MAML3: variants seen among roughly 807,000 people sequenced by gnomAD.
MAML3 encodes the protein mastermind-like protein 3.
In MAML3, 27 loss-of-function variants were observed where a neutral mutation model predicts 101.9. The ratio of observed to expected loss-of-function variants is 0.27; its 90% CI spans 0.20 to 0.37. The LOEUF (loss-of-function observed/expected upper bound fraction) is 0.37, where lower values mean the gene tolerates loss of function less well. MAML3 is among the 10% of genes least tolerant of loss of function. The pLI is 1.00. For synonymous variants in MAML3, 501 were observed against 555.9 expected (o/e 0.90, Z 1.39); for missense variants, 1,316 against 1,444.9 (o/e 0.91, Z 1.45).
intron 2 of MAML3, among the ~76,000 whole-genome samples, chr4:139,753,719 C>A (rs1276371893): frequency 6.6e-6 from 1 of 152,188 alleles, no homozygotes; most frequent in Non-Finnish European, 1.5e-5. Context: ...AGATGTTAAA[C>A]TATCAAAGCT....
intron 2 of MAML3, among the ~76,000 whole-genome samples, chr4:139,772,598 C>A (rs1730018698): frequency 1.3e-5 from 2 of 151,716 alleles, no homozygotes; most frequent in South Asian, 4.2e-4. Flanking sequence ...CTGCCTCGGC[C>A]TCCCCAAGTG....
intron 1 of MAML3, among the ~76,000 whole-genome samples, chr4:139,952,492 T>A (rs1733848139): frequency 6.6e-6 from 1 of 151,886 alleles, no homozygotes; most frequent in African/African-American, 2.4e-5. Context: ...GGTGTAAAAA[T>A]CCCTACCAAC....
At chr4:139,795,208 A>G (rs1434806796) in intron 2 of MAML3, among the ~76,000 whole-genome samples, 4 of 152,230 alleles carry the variant, frequency 2.6e-5, no homozygotes, top group Admixed American at 6.5e-5. Flanking sequence ...GTAATAAAAA[A>G]AGACTAATTC....
At chr4:139,980,711 G>A (rs1734429554) in intron 1 of MAML3, among the ~76,000 whole-genome samples, 1 of 152,180 alleles carries the variant, frequency 6.6e-6, no homozygotes. Flanking sequence ...GTGGCATTTG[G>A]TGTTAGGGAT....
At chr4:139,891,222 A>G (rs1732491135) in intron 1 of MAML3, among the ~76,000 whole-genome samples, 1 of 152,228 alleles carries the variant, frequency 6.6e-6, no homozygotes, top group South Asian at 2.1e-4. Context: ...ACAAAAGAAA[A>G]GAGATAGTTA....
chr4:139,719,203 C>T lies in MAML3; in HGVS notation c.*120G>A. Reference sequence around the variant, plus strand: ...TGGATCTTCCATTGTCAGCCAGCTGCAGTTTTGCTCAGTTTACGTGGGTCA... The same window carrying T: ...TGGATCTTCCATTGTCAGCCAGCTGTAGTTTTGCTCAGTTTACGTGGGTCA... On this transcript the variant is annotated 3_prime_UTR_variant, in exon 5 of 5. Coordinates refer to ENST00000509479, the MANE Select transcript of MAML3 (RefSeq NM_018717.5). 1 of 1,136,984 alleles carries T rather than the reference C, an allele frequency of 8.8e-7. No homozygotes were observed. Among genetic ancestry groups the T allele is most frequent in the Non-Finnish European group, 1.2e-6 (1 of 827,262 alleles). 70.4% of individuals were successfully genotyped at this position (1,136,984 alleles called of 1,614,324 possible). A position where few individuals can be genotyped will look rare whatever the true frequency, so the allele number is the denominator to read the frequency against.
chr4:139,822,676 T>C (rs1414871032), intron 2 of MAML3, among the ~76,000 whole-genome samples: 1 of 152,198 alleles, frequency 6.6e-6, no homozygotes, highest in Non-Finnish European at 1.5e-5. Flanking sequence ...CATCAAGATG[T>C]TAGCAGGATG....
At chr4:139,891,700 A>C (rs1447537113) in intron 1 of MAML3, among the ~76,000 whole-genome samples, 1 of 152,256 alleles carries the variant, frequency 6.6e-6, no homozygotes, top group Admixed American at 6.5e-5. Flanking sequence ...AAAATGCTAA[A>C]ATAAAAACTT....
intron 1 of MAML3, among the ~76,000 whole-genome samples, chr4:140,075,014 C>T (rs55837781): frequency 0.25 from 38,198 of 152,026 alleles, 6,029 homozygotes; most frequent in Non-Finnish European, 0.33. Context: ...AAATCTAAAA[C>T]ACTTCTGGTC....
chr4:139,952,857 C>T (rs1047243005), intron 1 of MAML3, among the ~76,000 whole-genome samples: 1 of 152,214 alleles, frequency 6.6e-6, no homozygotes, highest in African/African-American at 2.4e-5. Context: ...TCTCTTTTCT[C>T]ACCAACCAGC....
At chr4:139,882,246 A>G (rs1210517149) in intron 2 of MAML3, among the ~76,000 whole-genome samples, 2 of 152,278 alleles carry the variant, frequency 1.3e-5, no homozygotes, top group South Asian at 2.1e-4. Flanking sequence ...TTAAAAAAGG[A>G]GAAAAAAGAA....
chr4:139,941,304 G>A (rs1037795430), intron 1 of MAML3, among the ~76,000 whole-genome samples: 4 of 152,052 alleles, frequency 2.6e-5, no homozygotes, highest in African/African-American at 4.8e-5. Flanking sequence ...GTTTTCTTAC[G>A]GTATTATGCA....
intron 1 of MAML3, among the ~76,000 whole-genome samples, chr4:139,935,081 A>T (rs1203281320): frequency 6.6e-6 from 1 of 152,102 alleles, no homozygotes; most frequent in Non-Finnish European, 1.5e-5. Context: ...GAAGGTATTA[A>T]TCATGCATTT....
intron 2 of MAML3, among the ~76,000 whole-genome samples, chr4:139,840,324 T>C (rs1364297693): frequency 6.6e-6 from 1 of 152,198 alleles, no homozygotes; most frequent in African/African-American, 2.4e-5. Flanking sequence ...TGGACAACAC[T>C]GGACTTGCAA....
At chr4:140,051,145 G>A (rs758939356) in intron 1 of MAML3, among the ~76,000 whole-genome samples, 5 of 152,148 alleles carry the variant, frequency 3.3e-5, no homozygotes, top group Non-Finnish European at 7.3e-5. Context: ...ATATCTATAA[G>A]TCTAGGAAGG....
intron 1 of MAML3, among the ~76,000 whole-genome samples, chr4:139,961,006 ATGGAGCCTTCTCAGATGTGCTTACGTCAC>A (rs1734002213): frequency 6.6e-6 from 1 of 152,182 alleles, no homozygotes; most frequent in Admixed American, 6.5e-5. Flanking sequence ...TGTTGGGTGC[ATGGAGCCTTCTCAGATGTGCTTACGTCAC>A]TGGTTCCAGT....
At chr4:140,140,062 G>A (rs540573702) in intron 1 of MAML3, among the ~76,000 whole-genome samples, 6 of 152,328 alleles carry the variant, frequency 3.9e-5, no homozygotes, top group Admixed American at 2.6e-4. Flanking sequence ...GGTGGCTCAC[G>A]CCTATAATCC....
intron 1 of MAML3, among the ~76,000 whole-genome samples, chr4:139,978,297 G>A (rs926109227): frequency 4.6e-5 from 7 of 152,110 alleles, no homozygotes; most frequent in Admixed American, 1.3e-4. Flanking sequence ...CTTTGGGAGT[G>A]GTGAGCCTCC....
intron 2 of MAML3, among the ~76,000 whole-genome samples, chr4:139,871,659 G>C (rs1280888220): frequency 1.3e-5 from 2 of 152,074 alleles, no homozygotes; most frequent in South Asian, 2.1e-4. Context: ...AGCTTTGAGG[G>C]GCTTCCACAC....
Sources: gnomAD v4.1 joint callset for allele counts (sites outside exome capture counted in the v4.1 genomes callset) on GRCh38, gnomAD v4.1.1 for gene constraint, MANE v1.5 for transcripts, NCBI Gene and HGNC (gene_info 2026-07-23, HGNC 2026-07-21) for gene names.